EPHA3: variants seen among roughly 807,000 people sequenced by gnomAD.
EPHA3 encodes the protein ephrin type-A receptor 3.
Under a neutral mutation model 107.1 loss-of-function variants are expected in EPHA3, and 42 were observed. The ratio of observed to expected loss-of-function variants is 0.39; its 90% CI spans 0.31 to 0.51. The LOEUF is 0.51. Ranked by LOEUF, EPHA3 falls within the 20% of genes least tolerant of loss-of-function variation. The probability of loss-of-function intolerance (pLI) is 0.78; values close to 1 mark genes in which losing one functional copy is unlikely to be tolerated. For missense variants in EPHA3, 1,183 were observed against 1,211.2 expected, an observed-to-expected ratio of 0.98 and a Z score of 0.35; for synonymous variants, 461 against 424.8, an observed-to-expected ratio of 1.09 and a Z score of -1.05.
intron 3 of EPHA3, among the ~76,000 whole-genome samples, chr3:89,258,227 G>T (rs1705331338): frequency 6.6e-6 from 1 of 152,156 alleles, no homozygotes; most frequent in Admixed American, 6.6e-5. Flanking sequence ...GACAAAAACA[G>T]GGGGCCATGG....
At chr3:89,323,247 C>T (rs566126417) in intron 3 of EPHA3, among the ~76,000 whole-genome samples, 2 of 152,108 alleles carry the variant, frequency 1.3e-5, no homozygotes, top group South Asian at 2.1e-4. Flanking sequence ...TTCTAATATG[C>T]TAATGTGTAT....
intron 3 of EPHA3, among the ~76,000 whole-genome samples, chr3:89,335,133 T>C (rs1403953197): frequency 6.6e-6 from 1 of 152,194 alleles, no homozygotes; most frequent in Admixed American, 6.5e-5. Context: ...TGGGCTGCTA[T>C]ATCAAAATAC....
chr3:89,209,197 G>GA (rs1706202743), intron 2 of EPHA3, among the ~76,000 whole-genome samples: 1 of 152,152 alleles, frequency 6.6e-6, no homozygotes, highest in Admixed American at 6.5e-5. Context: ...CAATGTGGGT[G>GA]CAAAAGGCTT....
At chr3:89,128,367 GAAGT>G (rs1020389841) in intron 2 of EPHA3, among the ~76,000 whole-genome samples, 2 of 152,094 alleles carry the variant, frequency 1.3e-5, no homozygotes, top group African/African-American at 4.8e-5. Context: ...GAGAGAGTAT[GAAGT>G]AAGCCAGGAT....
intron 2 of EPHA3, among the ~76,000 whole-genome samples, chr3:89,158,011 G>C (rs1559756781): frequency 6.6e-6 from 1 of 151,994 alleles, no homozygotes. Context: ...AGTTGAAAGA[G>C]CCTACCATTG....
chr3:89,341,661 A>T, intron 4 of EPHA3, 94 bp from the exon 5 acceptor site: 1 of 981,210 alleles, frequency 1.0e-6, no homozygotes, highest in Non-Finnish European at 1.5e-6. Context: ...AAGGATAGTT[A>T]TTTACCTCAT....
At chr3:89,240,492 A>G (rs1704870247) in intron 3 of EPHA3, among the ~76,000 whole-genome samples, 1 of 152,124 alleles carries the variant, frequency 6.6e-6, no homozygotes, top group South Asian at 2.1e-4. Flanking sequence ...GACACATATA[A>G]TAAAGAATAT....
At chr3:89,477,837 A>G (rs1710548274) in intron 16 of EPHA3, among the ~76,000 whole-genome samples, 1 of 152,196 alleles carries the variant, frequency 6.6e-6, no homozygotes, top group Non-Finnish European at 1.5e-5. Context: ...CGAGAAAAAA[A>G]AAAGAATCCC....
chr3:89,325,896 T>C (rs1234378772), intron 3 of EPHA3, among the ~76,000 whole-genome samples: 2 of 151,392 alleles, frequency 1.3e-5, no homozygotes, highest in Admixed American at 1.3e-4. Flanking sequence ...ATATTTTCTT[T>C]AATATAATTA....
intron 5 of EPHA3, among the ~76,000 whole-genome samples, chr3:89,377,120 TG>T (rs2107478953): frequency 6.6e-6 from 1 of 152,224 alleles, no homozygotes; most frequent in East Asian, 1.9e-4. Context: ...ATTCTGCTTA[TG>T]TAGATTGTTT....
At chr3:89,277,236 G>T (rs1177155537) in intron 3 of EPHA3, among the ~76,000 whole-genome samples, 1 of 152,072 alleles carries the variant, frequency 6.6e-6, no homozygotes, top group Non-Finnish European at 1.5e-5. Context: ...AATTAAAAAT[G>T]CATACTGTAA....
intron 2 of EPHA3, among the ~76,000 whole-genome samples, chr3:89,192,224 A>C (rs1361310048): frequency 6.6e-5 from 10 of 152,106 alleles, no homozygotes; most frequent in Non-Finnish European, 1.5e-5. Flanking sequence ...CAAGAGGAGA[A>C]TCCTAGGTAT....
chr3:89,208,415 GAAGGAAGGAAGA>G (rs1706166344), intron 2 of EPHA3, among the ~76,000 whole-genome samples: 1 of 49,388 alleles, frequency 2.0e-5, no homozygotes, highest in South Asian at 7.8e-4. Flanking sequence ...AGGAAGGAAG[GAAGGAAGGAAGA>G]AAGAAAGAAA....
In EPHA3 at chr3:89,398,164, G is replaced by A. The variant is rs1708887770; in HGVS notation, c.1432-1154G>A. ...TGATTAACAGTATATGTAATGTATG[G>A]CATGTTTTCTGTACTATTCAATCTC... On this transcript the variant is annotated intron_variant, in intron 6 of 16. Coordinates refer to ENST00000336596, the MANE Select transcript of EPHA3 (RefSeq NM_005233.6). 1.3e-5 allele frequency among the ~76,000 whole-genome samples: 2 copies of A among 152,200 alleles called. 1 individual carries two copies. Among genetic ancestry groups the A allele is most frequent in the South Asian group, 4.2e-4 (2 of 4,814 alleles).
chr3:89,422,192 A>AACAC (rs56370135), intron 11 of EPHA3, among the ~76,000 whole-genome samples: 4,257 of 140,498 alleles, frequency 0.03, 99 homozygotes, highest in African/African-American at 0.061. Flanking sequence ...TGTTGTATTT[A>AACAC]ACACACACAC....
intron 9 of EPHA3, among the ~76,000 whole-genome samples, chr3:89,410,924 C>T (rs993953923): frequency 1.8e-4 from 27 of 151,710 alleles, no homozygotes; most frequent in African/African-American, 6.3e-4. Flanking sequence ...GGTGACTCTC[C>T]CATCTGTATT....
intron 1 of EPHA3, among the ~76,000 whole-genome samples, chr3:89,124,258 A>G (rs1704040646): frequency 6.6e-6 from 1 of 152,160 alleles, no homozygotes; most frequent in Non-Finnish European, 1.5e-5. Context: ...GATTTAAGAT[A>G]TGTATTGCAA....
chr3:89,405,485 G>T (rs1197981736), intron 7 of EPHA3, among the ~76,000 whole-genome samples: 1 of 152,150 alleles, frequency 6.6e-6, no homozygotes, highest in Non-Finnish European at 1.5e-5. Flanking sequence ...AAAGAGTAAA[G>T]GGCTTACAAC....
At position 89,210,420 on chromosome 3, in the gene EPHA3, T is replaced by A. The variant is rs769787086; in HGVS notation, c.714T>A (p.Asp238Glu). ...GSCVNNSKEEDPPRMYCSTEG... is the reference protein window; with the variant it reads ...GSCVNNSKEEEPPRMYCSTEG... ...GTGTCAACAATTCTAAGGAGGAAGA[T>A]CCTCCAAGGATGTACTGCAGTACAG... Residue 238 changes from aspartate to glutamate, a missense_variant, in exon 3 of 17, where the codon GAT (aspartate) becomes GAA (glutamate). Transcript: ENST00000336596. 2.5e-6 allele frequency: 4 copies of A among 1,613,686 alleles called. No individual in the cohort carries two copies. The South Asian group carries it at 4.4e-5, about 18-fold the overall frequency.
Sources: allele counts gnomAD v4.1 joint callset (sites outside exome capture counted in the v4.1 genomes callset), GRCh38; gene constraint gnomAD v4.1.1; transcripts MANE v1.5; gene names NCBI Gene and HGNC (gene_info 2026-07-23, HGNC 2026-07-21).